The following PCCA variants were observed in gnomAD, a reference collection of about 807,000 sequenced individuals.
PCCA encodes propionyl-CoA carboxylase subunit alpha.
In PCCA, 74 loss-of-function variants were observed where a neutral mutation model predicts 101.3. The ratio of observed to expected loss-of-function variants is 0.73; its 90% CI spans 0.61 to 0.89. The LOEUF is 0.89. Among genes scored for constraint, PCCA ranks in the 40% least tolerant of loss-of-function variants. The pLI is 0.00. For missense variants in PCCA, 891 were observed against 907.0 expected (o/e 0.98, Z 0.23); for synonymous variants, 294 against 313.6 (o/e 0.94, Z 0.66).
Position 100,121,169 on chromosome 13 carries a change from TTTTTTTTTA to T in PCCA, c.300+9109_300+9117del, listed in dbSNP as rs1202615579. Among the ~76,000 whole-genome samples, 375 of 114,138 alleles carry T rather than the reference TTTTTTTTTA, an allele frequency of 3.3e-3. 5 individuals are homozygous for T. The highest frequency in any genetic ancestry group is 0.014 in the African/African-American group (359 of 26,510). 74.9% of individuals were successfully genotyped at this position (114,138 alleles called of 152,430 possible). On this transcript the variant is annotated intron_variant, in intron 4 of 23. Transcript: ENST00000376285. ...ATTTCTTAGGTTTTTTTTTTTTTTT[TTTTTTTTTA>T]AAGATGGAGTTTCTGTCACCCAGGC... is the stretch of plus-strand genomic sequence containing the variant.
chr13:100,350,973 C>T (rs1854497292), intron 18 of PCCA, among the ~76,000 whole-genome samples: 2 of 152,170 alleles, frequency 1.3e-5, no homozygotes, highest in South Asian at 4.1e-4. Flanking sequence ...CTTTTTTAAC[C>T]TGTCACCAGG....
intron 20 of PCCA, among the ~76,000 whole-genome samples, chr13:100,428,604 C>G (rs2079335368): frequency 6.6e-6 from 1 of 152,070 alleles, no homozygotes; most frequent in African/African-American, 2.4e-5. Context: ...GTCATTCATG[C>G]TTTAAACCAG....
intron 6 of PCCA, among the ~76,000 whole-genome samples, chr13:100,173,013 C>A (rs933309894): frequency 2.6e-5 from 4 of 151,946 alleles, no homozygotes; most frequent in Non-Finnish European, 4.4e-5. Context: ...TTTTTTTTTA[C>A]CCATCCTTAT....
chr13:100,410,067 C>T (rs1160613739), intron 19 of PCCA, among the ~76,000 whole-genome samples: 10 of 151,700 alleles, frequency 6.6e-5, no homozygotes, highest in African/African-American at 1.9e-4. Flanking sequence ...GCCTGTCACC[C>T]GTACTTGTGA....
chr13:100,176,708 G>A (rs1040684462), intron 6 of PCCA, among the ~76,000 whole-genome samples: 2 of 152,150 alleles, frequency 1.3e-5, no homozygotes, highest in South Asian at 2.1e-4. Flanking sequence ...ATGTGATTTA[G>A]CACTTGGATC....
intron 21 of PCCA, among the ~76,000 whole-genome samples, chr13:100,496,086 C>G (rs1019665013): frequency 1.7e-4 from 26 of 152,208 alleles, no homozygotes; most frequent in Admixed American, 1.6e-3. Context: ...CGACACAGGA[C>G]AACATTCCCT....
chr13:100,360,687 G>A (rs994945553), intron 18 of PCCA, among the ~76,000 whole-genome samples: 9 of 152,276 alleles, frequency 5.9e-5, no homozygotes, highest in African/African-American at 1.2e-4. Context: ...GATGTGGAGC[G>A]ACAGGAGCTC....
At chr13:100,419,013 C>A (rs2078568332) in intron 19 of PCCA, among the ~76,000 whole-genome samples, 1 of 151,206 alleles carries the variant, frequency 6.6e-6, no homozygotes, top group Non-Finnish European at 1.5e-5. Flanking sequence ...GGGTTTTTTT[C>A]TTTCTTTTTT....
chr13:100,264,407 A>C (rs532976590), intron 10 of PCCA, among the ~76,000 whole-genome samples: 2 of 152,308 alleles, frequency 1.3e-5, no homozygotes, highest in South Asian at 4.1e-4. Context: ...CTTCCTAGTC[A>C]GTCCCTACCT....
intron 18 of PCCA, among the ~76,000 whole-genome samples, chr13:100,345,994 T>A (rs1032131289): frequency 1.5e-4 from 21 of 142,002 alleles, no homozygotes; most frequent in African/African-American, 3.8e-4. Flanking sequence ...AAAAAAAAAT[T>A]TTTTTTTCAA....
At chr13:100,149,913 A>C (rs1325988236) in intron 4 of PCCA, among the ~76,000 whole-genome samples, 2 of 152,206 alleles carry the variant, frequency 1.3e-5, no homozygotes, top group Non-Finnish European at 2.9e-5. Context: ...ACTCATATGC[A>C]ATCTATTTGA....
intron 8 of PCCA, chr13:100,236,405 G>A (rs1232727060): frequency 6.5e-6 from 1 of 154,040 alleles, no homozygotes; most frequent in Non-Finnish European, 1.4e-5. Context: ...TGTTTTACAT[G>A]TACTTGTATT....
chr13:100,118,358 G>C (rs974438907), intron 4 of PCCA, among the ~76,000 whole-genome samples: 6 of 151,886 alleles, frequency 4.0e-5, no homozygotes, highest in Non-Finnish European at 8.8e-5. Flanking sequence ...TTCAATCAAG[G>C]TTCATGAGTT....
intron 16 of PCCA, among the ~76,000 whole-genome samples, chr13:100,327,507 T>C (rs940359752): frequency 1.3e-5 from 2 of 152,228 alleles, no homozygotes; most frequent in African/African-American, 4.8e-5. Flanking sequence ...CAGGTTTTGA[T>C]TATAGTAAAT....
intron 7 of PCCA, among the ~76,000 whole-genome samples, chr13:100,234,694 C>G (rs1007627479): frequency 6.6e-6 from 1 of 150,884 alleles, no homozygotes; most frequent in African/African-American, 2.4e-5. Context: ...ATAAACATCC[C>G]CCCCCGCCCC....
chr13:100,150,621 C>T, intron 4 of PCCA: 3 of 1,227,972 alleles, frequency 2.4e-6, no homozygotes, highest in Non-Finnish European at 3.6e-6. Flanking sequence ...ACACATCTCC[C>T]TGTGCTGTGG....
intron 16 of PCCA, among the ~76,000 whole-genome samples, chr13:100,330,039 C>T (rs371936957): frequency 2.0e-4 from 30 of 152,268 alleles, no homozygotes; most frequent in African/African-American, 6.0e-4. Flanking sequence ...TTGCCTCATC[C>T]GGCATATTCA....
chr13:100,389,190 G>A (rs1161807962), intron 19 of PCCA, among the ~76,000 whole-genome samples: 10 of 152,122 alleles, frequency 6.6e-5, no homozygotes, highest in Admixed American at 4.6e-4. Context: ...AACTGAACAC[G>A]GAGGTGGTTA....
At chr13:100,264,037 A>G (rs914829581) in intron 10 of PCCA, among the ~76,000 whole-genome samples, 6 of 148,796 alleles carry the variant, frequency 4.0e-5, no homozygotes, top group South Asian at 2.1e-4. Context: ...TCGTATATAT[A>G]CGGTATCTGT....
Sources: gnomAD v4.1 joint callset for allele counts (sites outside exome capture counted in the v4.1 genomes callset) on GRCh38, gnomAD v4.1.1 for gene constraint, MANE v1.5 for transcripts, NCBI Gene and HGNC (gene_info 2026-07-23, HGNC 2026-07-21) for gene names.